CER1: variants seen among roughly 807,000 people sequenced by gnomAD.
CER1 encodes cerberus 1, DAN family BMP antagonist.
A neutral mutation model predicts 11.8 loss-of-function variants in CER1; 10 were observed. The observed-to-expected ratio is 0.85, with a 90% confidence interval of 0.52 to 1.44. The LOEUF is 1.44. Ranked by LOEUF, CER1 falls within the 40% of genes most tolerant of loss-of-function variation. CER1 has a pLI of 0.00. For synonymous variants in CER1, 141 were observed against 122.3 expected (o/e 1.15, Z -1.01); for missense variants, 431 against 327.0 (o/e 1.32, Z -2.45).
chr9:14,718,100 C>T (rs904284182), downstream of CER1, among the ~76,000 whole-genome samples: 3 of 152,122 alleles, frequency 2.0e-5, no homozygotes, highest in African/African-American at 7.2e-5. Flanking sequence ...TGCAATTATT[C>T]TATAAATGTA....
At chr9:14,720,474 A>G in intron 1 of CER1, 88 bp from the exon 2 acceptor site, 4 of 1,315,752 alleles carry the variant, frequency 3.0e-6, no homozygotes, top group Admixed American at 5.3e-5. Flanking sequence ...AAATCTGAGG[A>G]TAATTTAAAA....
At position 14,722,475 on chromosome 9, in the gene CER1, GGT is replaced by G. The variant is rs1198240730; in HGVS notation, c.196_197del (p.Thr66GlnfsTer25). ...GCCTCTGGCCTTCCCCTGCAGGGCT[GGT>G]GGCTACAAGGTGTGGCACTGCGACA... Reference protein sequence around the residue: ...LFVAVPHLVATSPAGEGQRQR... With the variant: ...LFVAVPHLVAXSPAGEGQRQR... On this transcript the variant is annotated frameshift_variant, in exon 1 of 2. Transcript: ENST00000380911. LOFTEE classifies it high-confidence loss of function. The G allele has an allele frequency of 1.2e-6, 2 of 1,614,158 alleles. No individual in the cohort carries two copies. The highest frequency in any genetic ancestry group is 2.2e-5 in the South Asian group (2 of 91,082).
chr9:14,718,373 G>A (rs931936266), downstream of CER1, among the ~76,000 whole-genome samples: 2 of 152,118 alleles, frequency 1.3e-5, no homozygotes, highest in Non-Finnish European at 1.5e-5. Flanking sequence ...GACCAGCTGA[G>A]ATATCATTAA....
Position 14,721,534 on chromosome 9 carries a change from A to G in CER1, c.507+632T>C, listed in dbSNP as rs73644841. ...AGTGAAAGAAAATCACTTTTTTGCT[A>G]TCATAATACTAGAAATGATATGACA... is the stretch of plus-strand genomic sequence containing the variant. On this transcript the variant is annotated intron_variant, in intron 1 of 1. Coordinates refer to ENST00000380911, the MANE Select transcript of CER1 (RefSeq NM_005454.3). 6.0e-3 allele frequency among the ~76,000 whole-genome samples: 919 copies of G among 152,284 alleles called. 13 individuals are homozygous for G. The highest frequency in any genetic ancestry group is 0.021 in the African/African-American group (886 of 41,582).
In CER1 at chr9:14,722,422, C is replaced by T; in HGVS notation, c.251G>A (p.Gly84Asp). The change falls in exon 1 of 2, where the codon GGC (glycine) becomes GAC (aspartate). Residue 84 changes from glycine to aspartate, a missense_variant. By Grantham distance (94) the Gly-to-Asp change is moderately conservative. Coordinates refer to ENST00000380911, the MANE Select transcript of CER1 (RefSeq NM_005454.3). Reference protein sequence around the residue: ...RQREKMLSRFGRFWKKPEREM... With the variant: ...RQREKMLSRFDRFWKKPEREM... ...TCTCTCAGGCTTCTTCCAGAACCTG[C>T]CAAATCTGGACAGCATCTTCTCTCT... 1 of 1,614,178 alleles carries T rather than the reference C, an allele frequency of 6.2e-7. No individual in the cohort carries two copies. The highest frequency in any genetic ancestry group is 8.5e-7 in the Non-Finnish European group (1 of 1,180,022).
chr9:14,720,301 G>A lies in CER1; in HGVS notation c.593C>T (p.Ala198Val), dbSNP rs369930781. The A allele has an allele frequency of 3.7e-5, 60 of 1,614,054 alleles. No homozygotes were observed. Among genetic ancestry groups the A allele is most frequent in the Non-Finnish European group, 4.9e-5 (58 of 1,180,010 alleles). ...GCAGGAGGTATGGGAGTGCTGCGCG[G>A]CTCCAGGAAAATGAACAGACCCGCA... ...GKCGSVHFPGAAQHSHTSCSH... is the reference protein window; with the variant it reads ...GKCGSVHFPGVAQHSHTSCSH... Residue 198 changes from alanine to valine, a missense_variant, in exon 2 of 2, where the codon GCC becomes GTC. Transcript: ENST00000380911.
chr9:14,722,343 C>T lies in CER1; in HGVS notation c.330G>A (p.Gln110=). ...SDSEPFPPGT[Q]SLIQPIDGMK... ...TTCCATCTATCGGCTGGATGAGGGA[C>T]TGGGTCCCAGGTGGGAAGGGCTCAC... The change falls in exon 1 of 2, where the codon CAG becomes CAA. Residue 110 remains glutamine (Q), a synonymous_variant. Coordinates refer to ENST00000380911, the MANE Select transcript of CER1 (RefSeq NM_005454.3). The T allele has an allele frequency of 6.2e-7, 1 of 1,614,220 alleles. No individual in the cohort carries two copies. Among genetic ancestry groups the T allele is most frequent in the African/African-American group, 1.3e-5 (1 of 75,062 alleles).
In CER1 at chr9:14,722,365, T is replaced by C. The variant is rs1840026427; in HGVS notation, c.308A>G (p.Glu103Gly). Residue 103 changes from glutamate to glycine, a missense_variant, in exon 1 of 2, where the codon GAG becomes GGG. Coordinates refer to ENST00000380911, the MANE Select transcript of CER1 (RefSeq NM_005454.3). The stretch of plus-strand genomic sequence containing the variant: ...GGACTGGGTCCCAGGTGGGAAGGGC[T>C]CACTATCTGAGTCCCTGGATGGATG... ...EMHPSRDSDS[E>G]PFPPGTQSLI... 4 of 1,614,192 alleles carry C rather than the reference T, an allele frequency of 2.5e-6. No individual in the cohort carries two copies. The South Asian group carries it at 4.4e-5, about 18-fold the overall frequency.
Position 14,720,135 on chromosome 9 carries a change from T to G in CER1, c.759A>C (p.Leu253=). ...VKTEHEDGHI[L]HAGSQDSFIP... ...TAAAGGAATCCTGGGAGCCAGCATGTAGGATGTGTCCATCTTCATGCTCCG... is the reference window on the plus strand; with the variant it reads ...TAAAGGAATCCTGGGAGCCAGCATGGAGGATGTGTCCATCTTCATGCTCCG... Residue 253 remains leucine (L), a synonymous_variant, in exon 2 of 2, where the codon CTA becomes CTC. Coordinates refer to ENST00000380911, the MANE Select transcript of CER1 (RefSeq NM_005454.3). The G allele has an allele frequency of 6.2e-7, 1 of 1,614,136 alleles. No individual in the cohort carries two copies. Among genetic ancestry groups the G allele is most frequent in the Non-Finnish European group, 8.5e-7 (1 of 1,180,006 alleles).
chr9:14,722,722 G>A lies in CER1; in HGVS notation c.-50C>T, dbSNP rs369922610. On this transcript the variant is annotated 5_prime_UTR_variant, in exon 1 of 2. Coordinates refer to ENST00000380911, the MANE Select transcript of CER1 (RefSeq NM_005454.3). ...TGTAAATGATGAGGCCCAAAGGAGA[G>A]GCTCATTCTCTGCAGGACTGGGAAA... is the stretch of plus-strand genomic sequence containing the variant. 1.1e-5 allele frequency: 17 copies of A among 1,536,310 alleles called. No individual in the cohort carries two copies. In the South Asian group the frequency reaches 1.8e-4, roughly 16 times the overall value.
chr9:14,719,315 C>A (rs1024839492), downstream of CER1, among the ~76,000 whole-genome samples: 1 of 152,070 alleles, frequency 6.6e-6, no homozygotes, highest in African/African-American at 2.4e-5. Flanking sequence ...ATCACTGTTC[C>A]TTCTTCAAAG....
intron 1 of CER1, 89 bp from the exon 2 acceptor site, chr9:14,720,475 T>C: frequency 5.3e-6 from 7 of 1,316,518 alleles, no homozygotes; most frequent in Non-Finnish European, 7.2e-6. Flanking sequence ...AATCTGAGGA[T>C]AATTTAAAAA....
rs57310634 is a variant in CER1 at position 14,722,148 on chromosome 9, TC to T, written c.507+17del. 1.9e-6 allele frequency: 3 copies of T among 1,601,346 alleles called. No individual in the cohort carries two copies. Among genetic ancestry groups the T allele is most frequent in the South Asian group, 1.1e-5 (1 of 88,696 alleles). On this transcript the variant is annotated intron_variant, in intron 1 of 1. Transcript: ENST00000380911. The stretch of plus-strand genomic sequence containing the variant: ...ACCACCTGCAAACTCTTACCTGCTC[TC>T]CCCCCAGAACACATACCTGGCTGAA...
chr9:14,718,614 AT>A (rs1285212211), downstream of CER1, among the ~76,000 whole-genome samples: 1 of 152,144 alleles, frequency 6.6e-6, no homozygotes, highest in Non-Finnish European at 1.5e-5. Context: ...AAATTGATTT[AT>A]TTAAAAAAAA....
chr9:14,721,108 G>C (rs998496431), intron 1 of CER1, among the ~76,000 whole-genome samples: 1 of 152,200 alleles, frequency 6.6e-6, no homozygotes, highest in African/African-American at 2.4e-5. Context: ...CAACAGAGTA[G>C]TCATTATTAT....
At position 14,722,227 on chromosome 9, in the gene CER1, A is replaced by T; in HGVS notation, c.446T>A (p.Ile149Asn). 1.2e-6 allele frequency: 2 copies of T among 1,614,184 alleles called. No homozygotes were observed. The highest frequency in any genetic ancestry group is 1.1e-5 in the South Asian group (1 of 91,080). The stretch of plus-strand genomic sequence containing the variant: ...TACTTCATGGCTTTTGATGGGCAAG[A>T]TGACCCCCTGAGAAGCCGGAGTTTT... The part of the protein sequence containing the change: ...FRKTPASQGV[I>N]LPIKSHEVHW... Residue 149 changes from isoleucine (I) to asparagine (N), a missense_variant, in exon 1 of 2, where the codon ATC (isoleucine) becomes AAC (asparagine). Physicochemically the swap from Ile to Asn is moderately radical, Grantham distance 149. Transcript: ENST00000380911.
chr9:14,720,274 G>C lies in CER1; in HGVS notation c.620C>G (p.Ser207Cys). 4 of 1,614,172 alleles carry C rather than the reference G, an allele frequency of 2.5e-6. No homozygotes were observed. The highest frequency in any genetic ancestry group is 1.1e-5 in the South Asian group (1 of 91,080). Residue 207 changes from serine to cysteine, a missense_variant, in exon 2 of 2, where the codon TCT becomes TGT. Coordinates refer to ENST00000380911, the MANE Select transcript of CER1 (RefSeq NM_005454.3). ...GAAQHSHTSC[S>C]HCLPAKFTTM... is the part of the protein sequence containing the mutation. ...GGTGAACTTGGCAGGCAAACAGTGA[G>C]AGCAGGAGGTATGGGAGTGCTGCGC...
chr9:14,720,005 G>T lies in CER1; in HGVS notation c.*85C>A. ...AGTCACCTTTCCCTGAAAATGTTAT[G>T]TACCCACTTAACATTTTCAGACTGA... On this transcript the variant is annotated 3_prime_UTR_variant, in exon 2 of 2. Coordinates refer to ENST00000380911, the MANE Select transcript of CER1 (RefSeq NM_005454.3). 7.9e-7 allele frequency: 1 copy of T among 1,273,758 alleles called. No homozygotes were observed. The highest frequency in any genetic ancestry group is 1.1e-6 in the Non-Finnish European group (1 of 890,406). The allele number at this position is 1,273,758 out of a possible 1,614,324, so 78.9% of individuals were successfully genotyped here.
downstream of CER1, among the ~76,000 whole-genome samples, chr9:14,719,553 GCC>G (rs1839976514): frequency 8.8e-5 from 11 of 125,500 alleles, no homozygotes; most frequent in African/African-American, 2.9e-4. Flanking sequence ...CTGCCTGCCT[GCC>G]TGCCTGCCTT....
Sources: gnomAD v4.1 joint callset for allele counts (sites outside exome capture counted in the v4.1 genomes callset) on GRCh38, gnomAD v4.1.1 for gene constraint, MANE v1.5 for transcripts, NCBI Gene and HGNC (gene_info 2026-07-23, HGNC 2026-07-21) for gene names.